MACROD2: variants seen among roughly 807,000 people sequenced by gnomAD.
The protein encoded by MACROD2 is ADP-ribose glycohydrolase MACROD2.
MACROD2 carries 36 observed loss-of-function variants against 70.4 expected under a neutral mutation model. The observed-to-expected ratio is 0.51, with a 90% CI of 0.39 to 0.68. MACROD2 has a LOEUF of 0.68. Among genes scored for constraint, MACROD2 ranks in the 30% least tolerant of loss-of-function variants. The pLI is 0.00. For missense variants in MACROD2, 496 were observed against 538.4 expected, an observed-to-expected ratio of 0.92 and a Z score of 0.78; for synonymous variants, 172 against 178.8, an observed-to-expected ratio of 0.96 and a Z score of 0.30.
intron 5 of MACROD2, among the ~76,000 whole-genome samples, chr20:15,132,779 G>T (rs528481292): frequency 8.6e-5 from 13 of 151,894 alleles, no homozygotes; most frequent in South Asian, 2.1e-4. Flanking sequence ...TTTTGAAAAA[G>T]AAAAGTAATG....
intron 3 of MACROD2, among the ~76,000 whole-genome samples, chr20:14,474,384 T>C (rs997396110): frequency 6.6e-6 from 1 of 152,220 alleles, no homozygotes; most frequent in African/African-American, 2.4e-5. Context: ...ACTTGTTTTG[T>C]AGTCTAACAT....
intron 13 of MACROD2, among the ~76,000 whole-genome samples, chr20:15,981,994 AT>A (rs371886345): frequency 6.6e-6 from 1 of 151,226 alleles, no homozygotes; most frequent in Non-Finnish European, 1.5e-5. Flanking sequence ...TTGCTGTGTA[AT>A]TTTTTTTCCC....
At chr20:16,035,177 T>G (rs6110878) in intron 15 of MACROD2, among the ~76,000 whole-genome samples, 3 of 120,890 alleles carry the variant, frequency 2.5e-5, no homozygotes, top group Non-Finnish European at 4.9e-5. Flanking sequence ...TATAAAATAT[T>G]ATATATTATA....
rs116185711 is a variant in MACROD2 at position 14,861,811 on chromosome 20, G to C, written c.418+176852G>C. Among the ~76,000 whole-genome samples the C allele has an allele frequency of 4.0e-3, 589 of 148,304 alleles. 6 individuals carry two copies. The highest frequency in any genetic ancestry group is 0.014 in the African/African-American group (548 of 40,246). On this transcript the variant is annotated intron_variant, in intron 5 of 17. Transcript: ENST00000684519. ...GGGCTAACCCCATCTGGCACCTCTT[G>C]ACAACGTTCCTTCTTAATATCAGTG...
intron 7 of MACROD2, among the ~76,000 whole-genome samples, chr20:15,451,234 T>A (rs1394930359): frequency 6.6e-6 from 1 of 151,924 alleles, no homozygotes; most frequent in Non-Finnish European, 1.5e-5. Flanking sequence ...TCTTTGGGTT[T>A]TTTCAGTGTG....
chr20:14,531,616 T>C (rs1487905659), intron 4 of MACROD2, among the ~76,000 whole-genome samples: 1 of 152,204 alleles, frequency 6.6e-6, no homozygotes. Flanking sequence ...AAAACTTATA[T>C]AGCAGGTATT....
At chr20:15,629,464 C>T (rs1013823952) in intron 8 of MACROD2, among the ~76,000 whole-genome samples, 1 of 152,142 alleles carries the variant, frequency 6.6e-6, no homozygotes. Flanking sequence ...TATAGAAATA[C>T]GTGGGATATT....
intron 13 of MACROD2, 151 bp downstream of exon 13, chr20:15,967,781 C>T: frequency 3.5e-6 from 2 of 579,382 alleles, no homozygotes; most frequent in Non-Finnish European, 5.6e-6. Context: ...TGATCAGTAG[C>T]TGCCATCTTT....
chr20:14,460,214 G>T (rs2084352293), intron 3 of MACROD2, among the ~76,000 whole-genome samples: 1 of 152,118 alleles, frequency 6.6e-6, no homozygotes, highest in Admixed American at 6.5e-5. Context: ...ATAGTAGAAT[G>T]ATTTATAATC....
intron 10 of MACROD2, among the ~76,000 whole-genome samples, chr20:15,897,454 T>C (rs2064990446): frequency 6.6e-6 from 1 of 152,160 alleles, no homozygotes; most frequent in Non-Finnish European, 1.5e-5. Flanking sequence ...TTTCATTAGT[T>C]CTGAAAAATT....
intron 8 of MACROD2, among the ~76,000 whole-genome samples, chr20:15,730,892 T>TATTTTATTTATTTATTTATTTA (rs1414735711): frequency 1.6e-5 from 1 of 61,552 alleles, no homozygotes; most frequent in African/African-American, 4.5e-5. Flanking sequence ...TTTCTTTATT[T>TATTTTATTTATTTATTTATTTA]TTGTCTGACT....
intron 5 of MACROD2, 40 bp downstream of exon 5, chr20:14,684,999 A>G (rs1455140444): frequency 1.3e-6 from 2 of 1,494,530 alleles, no homozygotes; most frequent in Non-Finnish European, 9.3e-7. Flanking sequence ...CAGATGAGAC[A>G]TCTTAACTTG....
chr20:15,402,576 C>T (rs902093265), intron 6 of MACROD2, among the ~76,000 whole-genome samples: 1 of 152,022 alleles, frequency 6.6e-6, no homozygotes, highest in Non-Finnish European at 1.5e-5. Context: ...CAAAAGGCTC[C>T]AAAATGGAAA....
intron 12 of MACROD2, among the ~76,000 whole-genome samples, chr20:15,951,395 C>A (rs1307544373): frequency 6.6e-6 from 1 of 151,148 alleles, no homozygotes; most frequent in African/African-American, 2.4e-5. Context: ...GATGTCTCAA[C>A]TGCTGCATTC....
intron 6 of MACROD2, among the ~76,000 whole-genome samples, chr20:15,394,777 C>T (rs2045839458): frequency 6.6e-6 from 1 of 152,198 alleles, no homozygotes; most frequent in Non-Finnish European, 1.5e-5. Flanking sequence ...ACCTCAATTA[C>T]AGGGTCAGCA....
intron 8 of MACROD2, among the ~76,000 whole-genome samples, chr20:15,835,965 C>G (rs1003085421): frequency 6.6e-6 from 1 of 152,214 alleles, no homozygotes; most frequent in African/African-American, 2.4e-5. Flanking sequence ...CCTCCACAAT[C>G]TGCTCTGTTT....
intron 10 of MACROD2, among the ~76,000 whole-genome samples, chr20:15,886,306 C>A (rs1307224355): frequency 6.6e-6 from 1 of 152,134 alleles, no homozygotes; most frequent in Non-Finnish European, 1.5e-5. Context: ...TCATGGCCAC[C>A]TTTATGTGGC....
chr20:14,327,073 A>G (rs768119632), intron 3 of MACROD2: 2 of 1,613,778 alleles, frequency 1.2e-6, no homozygotes, highest in Non-Finnish European at 1.7e-6. Context: ...TCCCTCTTCT[A>G]TGCTAACTGC....
At chr20:15,973,894 G>A (rs768033389) in intron 13 of MACROD2, among the ~76,000 whole-genome samples, 2 of 152,156 alleles carry the variant, frequency 1.3e-5, no homozygotes, top group Non-Finnish European at 2.9e-5. Flanking sequence ...AAATATAATA[G>A]TGATGGGGCT....
Sources: allele counts gnomAD v4.1 joint callset (sites outside exome capture counted in the v4.1 genomes callset), GRCh38; gene constraint gnomAD v4.1.1; transcripts MANE v1.5; gene names NCBI Gene and HGNC (gene_info 2026-07-23, HGNC 2026-07-21).